Variants in FHL3 observed in about 807,000 individuals in gnomAD.
FHL3 encodes the protein four and a half LIM domains 3, also known as four and a half LIM domains protein 3.
FHL3 carries 21 observed loss-of-function variants against 34.3 expected under a neutral mutation model. The ratio of observed to expected loss-of-function variants is 0.61; its 90% CI spans 0.43 to 0.88. FHL3 has a LOEUF of 0.88. FHL3 is among the 40% of genes least tolerant of loss of function. The pLI, the probability that FHL3 is intolerant of heterozygous loss-of-function variation, is 0.00. For missense variants in FHL3, 333 were observed against 373.7 expected (o/e 0.89, Z 0.90); for synonymous variants, 137 against 144.6 (o/e 0.95, Z 0.38).
chr1:37,998,856 G>A (rs1646562922), intron 3 of FHL3, 118 bp downstream of exon 3: 2 of 1,073,018 alleles, frequency 1.9e-6, no homozygotes, highest in Non-Finnish European at 2.7e-6. Context: ...TAAATTTCCA[G>A]AAACATGCTG....
intron 1 of FHL3, among the ~76,000 whole-genome samples, chr1:38,003,118 A>G (rs575108893): frequency 1.3e-5 from 2 of 152,142 alleles, no homozygotes; most frequent in South Asian, 4.2e-4. Context: ...AGATCATGTC[A>G]TTACACTCCA....
chr1:37,998,934 G>T (rs746777521), intron 3 of FHL3, 40 bp downstream of exon 3: 10 of 1,599,096 alleles, frequency 6.3e-6, no homozygotes, highest in Non-Finnish European at 6.9e-6. Flanking sequence ...ACCCTACGCA[G>T]ATGCCAGTTC....
intron 1 of FHL3, among the ~76,000 whole-genome samples, chr1:38,004,573 G>T (rs571822900): frequency 1.3e-5 from 2 of 152,288 alleles, no homozygotes; most frequent in South Asian, 4.2e-4. Context: ...GTTTTGGACG[G>T]CTCTGTATCT....
rs868832632 is a variant in FHL3 at position 37,997,602 on chromosome 1, T to A, written c.689-43A>T. On this transcript the variant is annotated intron_variant, in intron 5 of 5. Transcript: ENST00000373016. The surrounding 1 kb of genome is among the most constrained non-coding windows in gnomAD (Gnocchi z 4.3). ...GTTAGCTATGCAGATGTGGGGATGGTCCGGCCCTCAACCTCACCCAATACC... is the reference window on the plus strand; with the variant it reads ...GTTAGCTATGCAGATGTGGGGATGGACCGGCCCTCAACCTCACCCAATACC... The A allele has an allele frequency of 6.2e-7, 1 of 1,612,902 alleles. No homozygotes were observed. Among genetic ancestry groups the A allele is most frequent in the Admixed American group, 1.7e-5 (1 of 59,948 alleles).
intron 3 of FHL3, among the ~76,000 whole-genome samples, 171 bp from the exon 4 acceptor site, chr1:37,998,303 C>G (rs1240993632): frequency 6.6e-6 from 1 of 152,134 alleles, no homozygotes; most frequent in Non-Finnish European, 1.5e-5. Flanking sequence ...TAACCTCTCC[C>G]CAGACACCGG....
intron 1 of FHL3, among the ~76,000 whole-genome samples, chr1:38,005,043 TCA>T (rs1051497027): frequency 1.3e-5 from 2 of 152,104 alleles, no homozygotes; most frequent in Non-Finnish European, 2.9e-5. Context: ...TCCGAGAACC[TCA>T]GTTTCTCCAG....
chr1:37,998,220 C>T, intron 3 of FHL3, 88 bp from the exon 4 acceptor site: 1 of 1,195,742 alleles, frequency 8.4e-7, no homozygotes, highest in Non-Finnish European at 1.2e-6. Flanking sequence ...CTCCACTCCT[C>T]TCTCAGCGTG....
intron 1 of FHL3, among the ~76,000 whole-genome samples, chr1:38,002,113 T>C (rs1055892035): frequency 2.6e-5 from 4 of 151,900 alleles, no homozygotes; most frequent in Non-Finnish European, 4.4e-5. Context: ...TTTTTTTTTT[T>C]TTTGAGACAG....
At chr1:38,004,624 T>G (rs1646625601) in intron 1 of FHL3, among the ~76,000 whole-genome samples, 2 of 152,270 alleles carry the variant, frequency 1.3e-5, no homozygotes, top group East Asian at 1.9e-4. Flanking sequence ...TCTGTGGATC[T>G]CAAGTCTTGG....
chr1:37,998,064 G>C lies in FHL3; in HGVS notation c.400C>G (p.Gln134Glu). 1.2e-6 allele frequency: 2 copies of C among 1,614,058 alleles called. No homozygotes were observed. The highest frequency in any genetic ancestry group is 1.7e-6 in the Non-Finnish European group (2 of 1,179,964). The stretch of plus-strand genomic sequence containing the variant: ...ACAAAAGAACGGGAGCCCAGTGGCT[G>C]TTCACAGCCACTGCACAGGAAGCAG... Reference protein sequence around the residue: ...EHCFLCSGCEQPLGSRSFVPD... With the variant: ...EHCFLCSGCEEPLGSRSFVPD... Residue 134 changes from glutamine (Q) to glutamate (E), a missense_variant, in exon 4 of 6, where the codon CAG becomes GAG. Physicochemically the swap from Gln to Glu is conservative, Grantham distance 29 (BLOSUM62 2). Transcript: ENST00000373016.
intron 1 of FHL3, among the ~76,000 whole-genome samples, chr1:38,003,699 G>C (rs950751137): frequency 2.0e-5 from 3 of 152,190 alleles, no homozygotes; most frequent in African/African-American, 7.2e-5. Context: ...AGGAGGCCAG[G>C]AATAGAGCAG....
intron 1 of FHL3, among the ~76,000 whole-genome samples, chr1:38,003,108 A>C (rs1469488280): frequency 2.0e-5 from 3 of 152,046 alleles, no homozygotes; most frequent in Non-Finnish European, 2.9e-5. Context: ...CAGTGAGCCA[A>C]GATCATGTCA....
chr1:38,003,431 C>T (rs1396470479), intron 1 of FHL3, among the ~76,000 whole-genome samples: 1 of 152,190 alleles, frequency 6.6e-6, no homozygotes, highest in Admixed American at 6.5e-5. Context: ...TGGACATTCT[C>T]AGCATAGGCC....
At position 37,999,443 on chromosome 1, in the gene FHL3, C is replaced by T; in HGVS notation, c.-20-11G>A. 6.2e-7 allele frequency: 1 copy of T among 1,611,740 alleles called. No homozygotes were observed. The highest frequency in any genetic ancestry group is 8.5e-7 in the Non-Finnish European group (1 of 1,178,972). ...CAAGGGGAGAGAACCCTGTTAGGAG[C>T]ACAAGGTGGAACTGGGGTCACACAG... On this transcript the variant is annotated splice_polypyrimidine_tract_variant and intron_variant, in intron 1 of 5. Coordinates refer to ENST00000373016, the MANE Select transcript of FHL3 (RefSeq NM_004468.5).
rs542691589 is a variant in FHL3 at position 38,000,689 on chromosome 1, G to A, written c.-20-1257C>T. On this transcript the variant is annotated intron_variant, in intron 1 of 5. Coordinates refer to ENST00000373016, the MANE Select transcript of FHL3 (RefSeq NM_004468.5). ...AGGAGCCTAGGGAGTGGAGCGGTAG[G>A]GAAGTGGGGTTCCCAGACCTTTCTG... 3.3e-5 allele frequency among the ~76,000 whole-genome samples: 5 copies of A among 152,234 alleles called. No homozygotes were observed. The South Asian group carries it at 8.3e-4, about 25-fold the overall frequency.
intron 3 of FHL3, 65 bp downstream of exon 3, chr1:37,998,909 C>A: frequency 6.5e-7 from 1 of 1,526,766 alleles, no homozygotes; most frequent in Non-Finnish European, 9.0e-7. Flanking sequence ...ATGTATCAGA[C>A]AGACACATGC....
Sources: gnomAD v4.1 joint callset for allele counts (sites outside exome capture counted in the v4.1 genomes callset) on GRCh38, gnomAD v4.1.1 for gene constraint, Gnocchi (gnomAD v3.1) non-coding constraint, MANE v1.5 for transcripts, NCBI Gene and HGNC (gene_info 2026-07-23, HGNC 2026-07-21) for gene names.